Variants in TASOR2 observed in about 807,000 individuals in gnomAD.
TASOR2 encodes protein TASOR 2.
A neutral mutation model predicts 199.5 loss-of-function variants in TASOR2; 84 were observed. That is an observed-to-expected ratio of 0.42 (90% CI 0.35 to 0.50). The LOEUF (loss-of-function observed/expected upper bound fraction) is 0.50. Ranked by LOEUF, TASOR2 falls within the 20% of genes least tolerant of loss-of-function variation. TASOR2 has a pLI of 0.02. For missense variants in TASOR2, 2,796 were observed against 2,835.9 expected (o/e 0.99, Z 0.32); for synonymous variants, 1,103 against 1,046.6 (o/e 1.05, Z -1.04).
Position 5,698,135 on chromosome 10 carries a change from G to A in TASOR2, c.-288+12960G>A, listed in dbSNP as rs1220248479. The stretch of plus-strand genomic sequence containing the variant: ...TCCCTACTCCTTGACTTTGTGTTTG[G>A]CTATGTGACTTGCTAAGGTAAAAGT... On this transcript the variant is annotated intron_variant, in intron 1 of 20. Coordinates refer to ENST00000328090, the Ensembl canonical transcript of TASOR2. The surrounding 1 kb of genome is among the most constrained non-coding windows in gnomAD (Gnocchi z 4.4). Among the ~76,000 whole-genome samples the A allele has an allele frequency of 6.6e-6, 1 of 152,138 alleles. No homozygotes were observed. The highest frequency in any genetic ancestry group is 1.5e-5 in the Non-Finnish European group (1 of 68,024).
chr10:5,705,106 T>C (rs1838407708), intron 1 of TASOR2, among the ~76,000 whole-genome samples: 1 of 152,214 alleles, frequency 6.6e-6, no homozygotes, highest in South Asian at 2.1e-4. Flanking sequence ...AAAAATAGTG[T>C]GTGTCCATCA....
rs71388473 is a variant in TASOR2, at chr10:5,728,220, C to CA, written c.487+1115dup. ...TGGGCAACAGAGTGAGACCCTGTTT[C>CA]AAAAAAAAAAAAAAAAAAGTCACTT... On this transcript the variant is annotated intron_variant, in intron 10 of 20. Transcript: ENST00000328090. Among the ~76,000 whole-genome samples, 394 of 134,404 alleles carry CA rather than the reference C, an allele frequency of 2.9e-3. 1 individual carries two copies. The highest frequency in any genetic ancestry group is 8.9e-3 in the African/African-American group (318 of 35,752). 88.2% of individuals were successfully genotyped at this position (134,404 alleles called of 152,430 possible). A position where few individuals can be genotyped will look rare whatever the true frequency, so the allele number is the denominator to read the frequency against.
chr10:5,690,165 T>C lies in TASOR2; in HGVS notation c.-288+4990T>C, dbSNP rs1275415196. Among the ~76,000 whole-genome samples the C allele has an allele frequency of 6.6e-6, 1 of 152,232 alleles. No homozygotes were observed. Among genetic ancestry groups the C allele is most frequent in the Non-Finnish European group, 1.5e-5 (1 of 68,036 alleles). ...ATTTGCTAAAAGATTACCTACTTTA[T>C]TATTACTCTACAAATAACCAGCTTT... is the stretch of plus-strand genomic sequence containing the variant. On this transcript the variant is annotated intron_variant, in intron 1 of 20. Coordinates refer to ENST00000328090, the Ensembl canonical transcript of TASOR2. The surrounding 1 kb of genome is among the most constrained non-coding windows in gnomAD (Gnocchi z 4.8).
At chr10:5,709,511 TTTTC>T in intron 1 of TASOR2, 2 of 1,227,306 alleles carry the variant, frequency 1.6e-6, no homozygotes, top group Non-Finnish European at 1.0e-6. Context: ...TTATGATTTT[TTTTC>T]TTTCTTCATT....
At position 5,752,240 on chromosome 10, in the gene TASOR2, T is replaced by C. The variant is rs1250489743; in HGVS notation, c.6606+2213T>C. On this transcript the variant is annotated intron_variant, in intron 15 of 20. Transcript: ENST00000328090. The surrounding 1 kb of genome is among the most constrained non-coding windows in gnomAD (Gnocchi z 4.4). The stretch of plus-strand genomic sequence containing the variant: ...TAGTCTAATGGGACAAGGAAAACAC[T>C]GATTAAAAGAGTCACACAAATAAAT... Among the ~76,000 whole-genome samples the C allele has an allele frequency of 1.3e-5, 2 of 152,182 alleles. No individual in the cohort carries two copies. Among genetic ancestry groups the C allele is most frequent in the Non-Finnish European group, 2.9e-5 (2 of 68,034 alleles).
rs533229748 is a variant in TASOR2, at chr10:5,685,499, C to T, written c.-288+324C>T. ...GTCCTCAGGGATATGCTGATAAGTT[C>T]TTGGCTGAAGTTTCCGTCTTCGGGT... On this transcript the variant is annotated intron_variant, in intron 1 of 20. Transcript: ENST00000328090. The surrounding 1 kb of genome is among the most constrained non-coding windows in gnomAD (Gnocchi z 5.4). Among the ~76,000 whole-genome samples, 52 of 152,322 alleles carry T rather than the reference C, an allele frequency of 3.4e-4. No homozygotes were observed. The highest frequency in any genetic ancestry group is 6.5e-4 in the Non-Finnish European group (44 of 68,024).
chr10:5,705,129 C>T (rs190649138), intron 1 of TASOR2, among the ~76,000 whole-genome samples: 34 of 152,260 alleles, frequency 2.2e-4, no homozygotes, highest in African/African-American at 7.5e-4. Flanking sequence ...CCAGAAAGTT[C>T]CCTTGTGCAT....
intron 13 of TASOR2, among the ~76,000 whole-genome samples, chr10:5,741,480 G>A (rs936645066): frequency 1.3e-5 from 2 of 152,026 alleles, no homozygotes; most frequent in African/African-American, 4.8e-5. Flanking sequence ...TTTAGCTATT[G>A]CCCAACTCTG....
At chr10:5,705,718 T>G (rs1443775256) in intron 1 of TASOR2, among the ~76,000 whole-genome samples, 1 of 152,148 alleles carries the variant, frequency 6.6e-6, no homozygotes, top group Non-Finnish European at 1.5e-5. Flanking sequence ...CCCTGATAAC[T>G]AATAATATTG....
rs1837835087 is a variant in TASOR2 at position 5,750,222 on chromosome 10, T to G, written c.6606+195T>G. ...TTTGTACTATATTTGAAAATTAGTATTATGTTCCAGAATTAGGGCAATGAC... is the reference window on the plus strand; with the variant it reads ...TTTGTACTATATTTGAAAATTAGTAGTATGTTCCAGAATTAGGGCAATGAC... On this transcript the variant is annotated intron_variant, in intron 15 of 20. Coordinates refer to ENST00000328090, the Ensembl canonical transcript of TASOR2. The surrounding 1 kb of genome is among the most constrained non-coding windows in gnomAD (Gnocchi z 5.4). Among the ~76,000 whole-genome samples the G allele has an allele frequency of 6.6e-6, 1 of 152,224 alleles. No individual in the cohort carries two copies. Among genetic ancestry groups the G allele is most frequent in the Non-Finnish European group, 1.5e-5 (1 of 68,040 alleles).
At chr10:5,746,744 G>A (rs1274707535) in exon 15 of TASOR2, 2 of 1,614,010 alleles carry the variant, frequency 1.2e-6, no homozygotes, top group Non-Finnish European at 1.7e-6. Context: ...CAAGGCCTGA[G>A]GGACATTCCC....
intron 11 of TASOR2, among the ~76,000 whole-genome samples, chr10:5,733,725 G>C (rs1835169603): frequency 6.6e-6 from 1 of 152,020 alleles, no homozygotes; most frequent in Non-Finnish European, 1.5e-5. Flanking sequence ...TTCCCCCTGG[G>C]TCTTGGTTGT....
exon 21 of TASOR2, chr10:5,763,094 A>G: frequency 6.5e-7 from 1 of 1,532,926 alleles, no homozygotes; most frequent in African/African-American, 1.4e-5. Flanking sequence ...TTCCCTTTGG[A>G]AAACTTGTGA....
Position 5,720,844 on chromosome 10 carries a change from G to A in TASOR2, c.47-27G>A. On this transcript the variant is annotated intron_variant, in intron 5 of 20. Transcript: ENST00000328090. The surrounding 1 kb of genome is among the most constrained non-coding windows in gnomAD (Gnocchi z 5.3). ...GTAAATGTTTCATCATAAATAATCA[G>A]TTTCTTTTTTACCTTCATTTCTTCA... 6.3e-7 allele frequency: 1 copy of A among 1,593,330 alleles called. No homozygotes were observed.
Position 5,690,921 on chromosome 10 carries a change from G to A in TASOR2, c.-288+5746G>A, listed in dbSNP as rs1480103987. 2.6e-5 allele frequency among the ~76,000 whole-genome samples: 4 copies of A among 152,094 alleles called. No individual in the cohort carries two copies. The highest frequency in any genetic ancestry group is 7.2e-5 in the African/African-American group (3 of 41,410). ...ATTATATGACCTTGAGGCTGGGCGCGGTGGCTCATGCCTGTAATCCCAGCA... is the reference window on the plus strand; with the variant it reads ...ATTATATGACCTTGAGGCTGGGCGCAGTGGCTCATGCCTGTAATCCCAGCA... On this transcript the variant is annotated intron_variant, in intron 1 of 20. Transcript: ENST00000328090. This position sits in a 1 kb window ranked among gnomAD's most constrained non-coding sequence, Gnocchi z 4.8.
chr10:5,709,513 T>G (rs1285813568), intron 1 of TASOR2: 1 of 1,228,122 alleles, frequency 8.1e-7, no homozygotes, highest in Non-Finnish European at 1.0e-6. Flanking sequence ...ATGATTTTTT[T>G]TCTTTCTTCA....
Position 5,756,650 on chromosome 10 carries a change from C to T in TASOR2, c.6644C>T (p.Pro2215Leu), listed in dbSNP as rs374260902. 1.1e-5 allele frequency: 17 copies of T among 1,613,268 alleles called. No homozygotes were observed. The South Asian group carries it at 1.2e-4, about 11-fold the overall frequency. The change falls in exon 16 of 21, where the codon CCT becomes CTT. Residue 2215 changes from proline (P) to leucine (L), a missense_variant. Pro to Leu is a moderately conservative substitution (Grantham distance 98). Around this residue, in one of 3 missense-constraint regions of TASOR2, gnomAD observed 1,941 missense variants for 1,924.9 expected, o/e 1.01. Coordinates refer to ENST00000328090, the Ensembl canonical transcript of TASOR2. ...AAAGGAGGCCATACAGAAATTGAAC[C>T]TCAGCACTTCTGTCAAGCTTTCCAC... is the stretch of plus-strand genomic sequence containing the variant.
chr10:5,762,503 CA>C (rs748607166), intron 19 of TASOR2, 28 bp from the exon 21 acceptor site: 2 of 518,584 alleles, frequency 3.9e-6, no homozygotes, highest in Non-Finnish European at 5.7e-6. Flanking sequence ...TTATATTAAC[CA>C]AAAGTTGTTT....
rs1837553571 is a variant in TASOR2 at position 5,699,554 on chromosome 10, C to G, written c.-287-13269C>G. On this transcript the variant is annotated intron_variant, in intron 1 of 20. Transcript: ENST00000328090. The surrounding 1 kb of genome is among the most constrained non-coding windows in gnomAD (Gnocchi z 4.1). ...TAAAATTAATGAAGCATAGAAGTTA[C>G]GGAGAACTACTGGAAAGAAGAAATA... 6.6e-6 allele frequency: 1 copy of G among 151,794 alleles called. No individual in the cohort carries two copies. The highest frequency in any genetic ancestry group is 2.1e-4 in the South Asian group (1 of 4,810). The allele number at this position is 151,794 out of a possible 1,614,324, so 9.4% of individuals were successfully genotyped here.
Sources: allele counts gnomAD v4.1 joint callset (sites outside exome capture counted in the v4.1 genomes callset), GRCh38; gene constraint gnomAD v4.1.1; regional missense constraint gnomAD v4.1.1; non-coding constraint Gnocchi (gnomAD v3.1); transcripts MANE v1.5; gene names NCBI Gene and HGNC (gene_info 2026-07-23, HGNC 2026-07-21).